EFR3B: variants seen among roughly 807,000 people sequenced by gnomAD.
EFR3B encodes the protein protein EFR3 homolog B.
In EFR3B, 64 loss-of-function variants were observed where a neutral mutation model predicts 104.7. The observed-to-expected ratio is 0.61, with a 90% CI of 0.50 to 0.75. The LOEUF is 0.75. EFR3B is among the 30% of genes least tolerant of loss of function. The pLI is 0.00. For missense variants in EFR3B, 750 were observed against 1,078.5 expected (o/e 0.70, Z 4.27); for synonymous variants, 385 against 417.9 (o/e 0.92, Z 0.96).
intron 1 of EFR3B, among the ~76,000 whole-genome samples, chr2:25,090,402 C>T (rs561607688): frequency 5.4e-4 from 83 of 152,336 alleles, no homozygotes; most frequent in African/African-American, 1.9e-3. Flanking sequence ...CTAGAGTTGC[C>T]AACTTCTAAT....
At position 25,149,550 on chromosome 2, in the gene EFR3B, G is replaced by A. The variant is rs1039064215; in HGVS notation, c.2143-144G>A. The A allele has an allele frequency of 1.0e-5, 8 of 765,354 alleles. No individual in the cohort carries two copies. The East Asian group carries it at 1.4e-4, about 13-fold the overall frequency. The allele number at this position is 765,354 out of a possible 1,614,324, so 47.4% of individuals were successfully genotyped here. On this transcript the variant is annotated intron_variant, in intron 19 of 22. Coordinates refer to ENST00000403714, the MANE Select transcript of EFR3B (RefSeq NM_014971.2). ...CTCAGGGAGCTTCTGAGACCCTGAG[G>A]GGGGTGGGGGTGTCCTGAGGGACTT... is the stretch of plus-strand genomic sequence containing the variant.
chr2:25,143,304 T>A (rs1215742643), intron 17 of EFR3B, among the ~76,000 whole-genome samples: 1 of 152,190 alleles, frequency 6.6e-6, no homozygotes, highest in Non-Finnish European at 1.5e-5. Flanking sequence ...GAAATGGGAC[T>A]GGGGGTGACT....
intron 1 of EFR3B, among the ~76,000 whole-genome samples, chr2:25,063,661 A>C (rs1668257223): frequency 6.6e-6 from 1 of 152,206 alleles, no homozygotes; most frequent in Non-Finnish European, 1.5e-5. Flanking sequence ...AATGCATTCA[A>C]ACCTCCTAAC....
chr2:25,070,463 A>G (rs929969772), intron 1 of EFR3B, among the ~76,000 whole-genome samples: 1 of 151,994 alleles, frequency 6.6e-6, no homozygotes, highest in Non-Finnish European at 1.5e-5. Flanking sequence ...GGGTTTCACC[A>G]TGTTGGCCAG....
Position 25,158,781 on chromosome 2 carries a change from A to G in EFR3B, c.*4441A>G, listed in dbSNP as rs1671242503. On this transcript the variant is annotated 3_prime_UTR_variant, in exon 23 of 23. Transcript: ENST00000403714. Reference sequence around the variant, plus strand: ...GTTGATTTCTGGCGCGTGGAGGCAGAGTTGTGAATCCACAAATGCTGTAGC... The same window carrying G: ...GTTGATTTCTGGCGCGTGGAGGCAGGGTTGTGAATCCACAAATGCTGTAGC... 6.6e-6 allele frequency: 1 copy of G among 152,124 alleles called. No homozygotes were observed. Among genetic ancestry groups the G allele is most frequent in the Non-Finnish European group, 1.5e-5 (1 of 68,074 alleles). 9.4% of individuals were successfully genotyped at this position (152,124 alleles called of 1,614,324 possible). A position where few individuals can be genotyped will look rare whatever the true frequency, so the allele number is the denominator to read the frequency against.
intron 3 of EFR3B, among the ~76,000 whole-genome samples, chr2:25,099,870 TAAAAAA>T (rs59603684): frequency 1.3e-4 from 18 of 138,962 alleles, no homozygotes; most frequent in African/African-American, 4.3e-4. Flanking sequence ...AAACTTTGTT[TAAAAAA>T]AAAAAAAAAA....
At chr2:25,043,960 C>G (rs1393790737) in intron 1 of EFR3B, among the ~76,000 whole-genome samples, 1 of 152,074 alleles carries the variant, frequency 6.6e-6, no homozygotes, top group Non-Finnish European at 1.5e-5. Context: ...ATAATTTGGT[C>G]GTTTACCCGA....
At chr2:25,109,638 G>A (rs775545577) in intron 4 of EFR3B, among the ~76,000 whole-genome samples, 13 of 152,146 alleles carry the variant, frequency 8.5e-5, no homozygotes, top group African/African-American at 2.9e-4. Flanking sequence ...CCTATTTATC[G>A]TCCCATGTAT....
Position 25,131,014 on chromosome 2 carries a change from A to G in EFR3B, c.850-354A>G, listed in dbSNP as rs1670311125. On this transcript the variant is annotated intron_variant, in intron 8 of 22. Coordinates refer to ENST00000403714, the MANE Select transcript of EFR3B (RefSeq NM_014971.2). This position sits in a 1 kb window ranked among gnomAD's most constrained non-coding sequence, Gnocchi z 7.6. ...ACCTATCTTGAATGGGCACCAGCCC[A>G]GGGGCCCCACTTTAGGCAGCACTGG... Among the ~76,000 whole-genome samples the G allele has an allele frequency of 6.6e-6, 1 of 152,240 alleles. No homozygotes were observed. Among genetic ancestry groups the G allele is most frequent in the African/African-American group, 2.4e-5 (1 of 41,466 alleles).
chr2:25,080,738 G>T lies in EFR3B; in HGVS notation c.8-10587G>T, dbSNP rs1296308621. The T allele has an allele frequency of 3.2e-6, 4 of 1,263,732 alleles. No homozygotes were observed. In the East Asian group the frequency reaches 7.0e-5, roughly 22 times the overall value. The allele number at this position is 1,263,732 out of a possible 1,614,324, so 78.3% of individuals were successfully genotyped here. ...TCATCTTCTTGGGTTCAGTCCTGTA[G>T]ATCAAAGATTTTCTTTTGGCGTTAG... On this transcript the variant is annotated intron_variant, in intron 1 of 22. Coordinates refer to ENST00000403714, the MANE Select transcript of EFR3B (RefSeq NM_014971.2).
rs1573231158 is a variant in EFR3B at position 25,137,474 on chromosome 2, A to C, written c.1694A>C (p.Asp565Ala). Residue 565 changes from aspartate (D) to alanine (A), a missense_variant, in exon 15 of 23, where the codon GAC (aspartate) becomes GCC (alanine). Physicochemically the swap from Asp to Ala is moderately radical, Grantham distance 126 (BLOSUM62 -2). Transcript: ENST00000403714. The surrounding 1 kb of genome is among the most constrained non-coding windows in gnomAD (Gnocchi z 4.7). ...CTGGCTAACGAGGAGGTGGTGGTGG[A>C]CCTCATCCGTCTGGTGCTGGCTGTT... The part of the protein sequence containing the change: ...IELANEEVVV[D>A]LIRLVLAVQD... The C allele has an allele frequency of 1.3e-6, 2 of 1,549,558 alleles. No homozygotes were observed.
intron 3 of EFR3B, among the ~76,000 whole-genome samples, chr2:25,098,414 G>T (rs1400885177): frequency 1.3e-5 from 2 of 152,064 alleles, no homozygotes; most frequent in Admixed American, 1.3e-4. Context: ...TCTTAGGCCA[G>T]TTCAGATTCT....
intron 1 of EFR3B, among the ~76,000 whole-genome samples, chr2:25,071,164 G>T (rs530300954): frequency 6.6e-6 from 1 of 151,862 alleles, no homozygotes; most frequent in African/African-American, 2.4e-5. Flanking sequence ...GTTTCACTGT[G>T]TTAGCCAGGA....
chr2:25,100,586 G>C (rs541342543), intron 3 of EFR3B, among the ~76,000 whole-genome samples: 2 of 152,250 alleles, frequency 1.3e-5, no homozygotes, highest in East Asian at 3.9e-4. Flanking sequence ...TCTGCCTCCT[G>C]AGTTCACACC....
chr2:25,126,056 T>A (rs1670159248), intron 5 of EFR3B, among the ~76,000 whole-genome samples: 1 of 152,256 alleles, frequency 6.6e-6, no homozygotes, highest in Non-Finnish European at 1.5e-5. Context: ...TTTGGAGTCA[T>A]AAAATTAGAA....
chr2:25,109,660 A>G (rs895796651), intron 4 of EFR3B, among the ~76,000 whole-genome samples: 6 of 152,210 alleles, frequency 3.9e-5, no homozygotes, highest in Admixed American at 1.3e-4. Flanking sequence ...TGAGATATTC[A>G]GTTAGGTAAA....
chr2:25,046,566 G>C (rs1486126999), intron 1 of EFR3B, among the ~76,000 whole-genome samples: 1 of 143,208 alleles, frequency 7.0e-6, no homozygotes, highest in African/African-American at 2.5e-5. Context: ...GCAGTGGCGC[G>C]ATCTCGGCTC....
In EFR3B at chr2:25,102,551, C is replaced by G. The variant is rs575488934; in HGVS notation, c.213-1086C>G. Among the ~76,000 whole-genome samples the G allele has an allele frequency of 1.6e-4, 25 of 152,270 alleles. No homozygotes were observed. The South Asian group carries it at 5.2e-3, about 32-fold the overall frequency. Reference sequence around the variant, plus strand: ...AGCCCCTTATAAAACCATCAGATCTCATGAGAACACACTATCACAAGAACA... The same window carrying G: ...AGCCCCTTATAAAACCATCAGATCTGATGAGAACACACTATCACAAGAACA... On this transcript the variant is annotated intron_variant, in intron 3 of 22. Coordinates refer to ENST00000403714, the MANE Select transcript of EFR3B (RefSeq NM_014971.2).
At chr2:25,139,453 C>T (rs1306714390) in intron 16 of EFR3B, among the ~76,000 whole-genome samples, 1 of 152,086 alleles carries the variant, frequency 6.6e-6, no homozygotes, top group Non-Finnish European at 1.5e-5. Flanking sequence ...ACTTCCTGCC[C>T]CTCTGTCTTT....
Sources: allele counts gnomAD v4.1 joint callset (sites outside exome capture counted in the v4.1 genomes callset), GRCh38; gene constraint gnomAD v4.1.1; non-coding constraint Gnocchi (gnomAD v3.1); transcripts MANE v1.5; gene names NCBI Gene and HGNC (gene_info 2026-07-23, HGNC 2026-07-21).